CSMD1: variants seen among roughly 807,000 people sequenced by gnomAD.
CSMD1 encodes the protein CUB and Sushi multiple domains 1.
CSMD1 carries 213 observed loss-of-function variants against 417.5 expected under a neutral mutation model. That is an observed-to-expected ratio of 0.51 (90% CI 0.46 to 0.57). The LOEUF (loss-of-function observed/expected upper bound fraction) is 0.57, where lower values mean the gene tolerates loss of function less well. Ranked by LOEUF, CSMD1 falls within the 20% of genes least tolerant of loss-of-function variation. The probability of loss-of-function intolerance (pLI) is 0.00; values close to 1 mark genes in which losing one functional copy is unlikely to be tolerated. For synonymous variants in CSMD1, 2,862 were observed against 1,736.8 expected (o/e 1.65, Z -16.11); for missense variants, 6,923 against 4,529.7 (o/e 1.53, Z -15.17).
intron 11 of CSMD1, among the ~76,000 whole-genome samples, chr8:3,482,983 GCCAAGAGGAAAA>G (rs1817830215): frequency 1.3e-5 from 2 of 152,006 alleles, no homozygotes; most frequent in Non-Finnish European, 2.9e-5. Flanking sequence ...ATAAAACAGT[GCCAAGAGGAAAA>G]TTTATAACAG....
intron 3 of CSMD1, among the ~76,000 whole-genome samples, chr8:4,273,322 G>C (rs748212793): frequency 2.0e-5 from 3 of 152,136 alleles, no homozygotes; most frequent in Non-Finnish European, 4.4e-5. Context: ...TATGTCAAAA[G>C]TCATGAAAGT....
chr8:4,449,255 G>T lies in CSMD1; in HGVS notation c.303-29190C>A, dbSNP rs577011033. On this transcript the variant is annotated intron_variant, in intron 2 of 69. Coordinates refer to ENST00000635120, the MANE Select transcript of CSMD1 (RefSeq NM_033225.6). ...ACTGTCTATGCTTATTCACACTCAG[G>T]TTGTAACTATTGAAAGGAAACTCAG... is the stretch of plus-strand genomic sequence containing the variant. Among the ~76,000 whole-genome samples, 10 of 152,056 alleles carry T rather than the reference G, an allele frequency of 6.6e-5. No individual in the cohort carries two copies. In the South Asian group the frequency reaches 1.4e-3, roughly 22 times the overall value.
chr8:4,426,014 T>A lies in CSMD1; in HGVS notation c.303-5949A>T, dbSNP rs1349935570. 9.9e-5 allele frequency among the ~76,000 whole-genome samples: 15 copies of A among 151,928 alleles called. No homozygotes were observed. The South Asian group carries it at 2.9e-3, about 29-fold the overall frequency. ...GAGGTATACATTAAACATTTTAAAA[T>A]GTGTTTTCCAAATCTCCAAGGGATT... On this transcript the variant is annotated intron_variant, in intron 2 of 69. Coordinates refer to ENST00000635120, the MANE Select transcript of CSMD1 (RefSeq NM_033225.6).
At chr8:4,225,130 A>G (rs1227459412) in intron 3 of CSMD1, among the ~76,000 whole-genome samples, 1 of 152,112 alleles carries the variant, frequency 6.6e-6, no homozygotes, top group Non-Finnish European at 1.5e-5. Context: ...AAAAATCCTG[A>G]AATTCATTTT....
chr8:3,750,407 A>G (rs1318419391), intron 6 of CSMD1, among the ~76,000 whole-genome samples: 1 of 151,262 alleles, frequency 6.6e-6, no homozygotes, highest in East Asian at 1.9e-4. Context: ...CAACATTTGG[A>G]AAGATGAAAA....
chr8:4,416,872 T>G (rs1425462613), intron 3 of CSMD1, among the ~76,000 whole-genome samples: 1 of 152,040 alleles, frequency 6.6e-6, no homozygotes, highest in East Asian at 1.9e-4. Flanking sequence ...CAAATAAAAT[T>G]TATAGACATA....
At chr8:3,249,968 A>G (rs1012684898) in intron 26 of CSMD1, among the ~76,000 whole-genome samples, 2 of 152,382 alleles carry the variant, frequency 1.3e-5, no homozygotes, top group African/African-American at 4.8e-5. Context: ...TGTCAGGTTA[A>G]AAACTAGTGA....
intron 3 of CSMD1, among the ~76,000 whole-genome samples, chr8:4,234,676 C>CA (rs1585070163): frequency 6.6e-6 from 1 of 152,238 alleles, no homozygotes; most frequent in East Asian, 1.9e-4. Flanking sequence ...GCTAAATAAA[C>CA]ACTTGTTAAT....
intron 5 of CSMD1, among the ~76,000 whole-genome samples, chr8:3,780,376 G>A (rs1799110515): frequency 6.6e-6 from 1 of 152,126 alleles, no homozygotes; most frequent in African/African-American, 2.4e-5. Context: ...TCAAGAGGCG[G>A]CCTGGTCCTT....
chr8:4,787,989 GACAA>G (rs1797499211), intron 1 of CSMD1: 1 of 1,593,908 alleles, frequency 6.3e-7, no homozygotes, highest in Non-Finnish European at 8.6e-7. Flanking sequence ...CCAACAGAAA[GACAA>G]ACAGTGTTAT....
chr8:2,938,801 G>A, intron 69 of CSMD1, 57 bp from the exon 70 acceptor site: 2 of 1,486,300 alleles, frequency 1.3e-6, no homozygotes, highest in Non-Finnish European at 1.8e-6. Flanking sequence ...AGATTTAGCA[G>A]CTGGGACTGT....
chr8:3,764,532 C>A (rs1470247046), intron 5 of CSMD1, among the ~76,000 whole-genome samples: 1 of 152,062 alleles, frequency 6.6e-6, no homozygotes, highest in Non-Finnish European at 1.5e-5. Flanking sequence ...CCTGAGACAT[C>A]ACCAGGTGGG....
chr8:3,793,198 A>T (rs1056885343), intron 5 of CSMD1, among the ~76,000 whole-genome samples: 1 of 152,054 alleles, frequency 6.6e-6, no homozygotes, highest in South Asian at 2.1e-4. Context: ...CTGTTTAGCA[A>T]TTTTTCTCTC....
chr8:3,373,097 T>C (rs897578420), intron 18 of CSMD1, among the ~76,000 whole-genome samples: 2 of 152,232 alleles, frequency 1.3e-5, no homozygotes, highest in African/African-American at 4.8e-5. Context: ...TACTTGTCAG[T>C]GGTCTTTATC....
At chr8:4,742,888 C>G (rs1445762414) in intron 1 of CSMD1, among the ~76,000 whole-genome samples, 1 of 151,986 alleles carries the variant, frequency 6.6e-6, no homozygotes, top group Non-Finnish European at 1.5e-5. Context: ...AGAGACATGT[C>G]TATCAGAACG....
chr8:3,676,768 C>A (rs1002077313), intron 7 of CSMD1, among the ~76,000 whole-genome samples: 3 of 152,164 alleles, frequency 2.0e-5, no homozygotes, highest in Middle Eastern at 3.4e-3. Flanking sequence ...TGGAACCAAC[C>A]CAAATGCCCA....
At chr8:3,176,395 G>T (rs1220032465) in intron 37 of CSMD1, among the ~76,000 whole-genome samples, 1 of 151,962 alleles carries the variant, frequency 6.6e-6, no homozygotes, top group East Asian at 1.9e-4. Flanking sequence ...TTATGTGGGG[G>T]ACAGATAGAT....
chr8:3,772,292 C>T (rs963373451), intron 5 of CSMD1, among the ~76,000 whole-genome samples: 2 of 141,152 alleles, frequency 1.4e-5, no homozygotes, highest in African/African-American at 2.7e-5. Context: ...TTTAGACATA[C>T]ATATGTACAT....
At chr8:2,968,731 T>G (rs986593216) in intron 57 of CSMD1, among the ~76,000 whole-genome samples, 1 of 152,010 alleles carries the variant, frequency 6.6e-6, no homozygotes, top group Non-Finnish European at 1.5e-5. Flanking sequence ...AACAATAGAT[T>G]AAATTTAGAG....
Sources: gnomAD v4.1 joint callset for allele counts (sites outside exome capture counted in the v4.1 genomes callset) on GRCh38, gnomAD v4.1.1 for gene constraint, MANE v1.5 for transcripts, NCBI Gene and HGNC (gene_info 2026-07-23, HGNC 2026-07-21) for gene names.